Variants in GPR158 observed in about 807,000 individuals in gnomAD.
GPR158 encodes G protein-coupled receptor 158.
In GPR158, 30 loss-of-function variants were observed where a neutral mutation model predicts 78.2. The ratio of observed to expected loss-of-function variants is 0.38; its 90% CI spans 0.29 to 0.52. The LOEUF is 0.52. GPR158 is among the 20% of genes least tolerant of loss of function. GPR158 has a pLI of 0.83. For synonymous variants in GPR158, 581 were observed against 591.1 expected (o/e 0.98, Z 0.25); for missense variants, 1,463 against 1,523.5 (o/e 0.96, Z 0.66).
chr10:25,500,452 C>A (rs922598926), intron 5 of GPR158, among the ~76,000 whole-genome samples: 1 of 152,080 alleles, frequency 6.6e-6, no homozygotes, highest in African/African-American at 2.4e-5. Flanking sequence ...TTTGGCAGAA[C>A]AAAAAGGAAG....
At chr10:25,313,148 T>A (rs920979070) in intron 2 of GPR158, among the ~76,000 whole-genome samples, 2 of 150,956 alleles carry the variant, frequency 1.3e-5, no homozygotes, top group African/African-American at 4.9e-5. Context: ...TTACCTTTTT[T>A]CTAATATTAA....
intron 1 of GPR158, among the ~76,000 whole-genome samples, chr10:25,183,844 CT>C: frequency 6.6e-6 from 1 of 152,246 alleles, no homozygotes; most frequent in East Asian, 1.9e-4. Context: ...TGACACATGG[CT>C]TTTATCTGAG....
At chr10:25,285,814 G>A (rs1334275157) in intron 2 of GPR158, among the ~76,000 whole-genome samples, 15 of 152,162 alleles carry the variant, frequency 9.9e-5, no homozygotes, top group Non-Finnish European at 1.9e-4. Flanking sequence ...AACATTTACA[G>A]GTATGCTGGC....
chr10:25,270,779 C>CTATTGAAT, intron 2 of GPR158, among the ~76,000 whole-genome samples: 1 of 152,160 alleles, frequency 6.6e-6, no homozygotes, highest in Non-Finnish European at 1.5e-5. Flanking sequence ...ATCTATCCAG[C>CTATTGAAT]AACACCTCAG....
rs147902056 is a variant in GPR158, at chr10:25,419,051, G to A, written c.1335+6578G>A. On this transcript the variant is annotated intron_variant, in intron 4 of 10. Coordinates refer to ENST00000376351, the MANE Select transcript of GPR158 (RefSeq NM_020752.3). ...CTAATGACTATTTTGGTAAAATAAA[G>A]TTAGGTATGTCATATTTTTATTTTA... Among the ~76,000 whole-genome samples the A allele has an allele frequency of 5.4e-3, 824 of 152,000 alleles. 10 individuals carry two copies. Among genetic ancestry groups the A allele is most frequent in the African/African-American group, 0.019 (796 of 41,490 alleles).
chr10:25,192,041 G>A lies in GPR158; in HGVS notation c.902+15719G>A, dbSNP rs573777281. Among the ~76,000 whole-genome samples the A allele has an allele frequency of 2.0e-5, 3 of 152,222 alleles. No homozygotes were observed. In the South Asian group the frequency reaches 6.2e-4, roughly 32 times the overall value. ...ATTCAGTGCCTGATACGGTTTGGCT[G>A]TGTCTGCACCCAAAATCTCATCTTG... On this transcript the variant is annotated intron_variant, in intron 1 of 10. Transcript: ENST00000376351.
chr10:25,600,876 C>A lies in GPR158; in HGVS notation c.*1602C>A, dbSNP rs908274931. The A allele has an allele frequency of 6.6e-6, 1 of 152,114 alleles. No homozygotes were observed. The highest frequency in any genetic ancestry group is 1.5e-5 in the Non-Finnish European group (1 of 68,012). 9.4% of individuals were successfully genotyped at this position (152,114 alleles called of 1,614,324 possible). Reference sequence around the variant, plus strand: ...GGGAATCCTAAGCTGCCGACTAAGCCCTACCGACATGATCATGCAGTGAGA... The same window carrying A: ...GGGAATCCTAAGCTGCCGACTAAGCACTACCGACATGATCATGCAGTGAGA... On this transcript the variant is annotated 3_prime_UTR_variant, in exon 11 of 11. Coordinates refer to ENST00000376351, the MANE Select transcript of GPR158 (RefSeq NM_020752.3).
chr10:25,192,183 C>G (rs1398131250), intron 1 of GPR158, among the ~76,000 whole-genome samples: 2 of 152,124 alleles, frequency 1.3e-5, no homozygotes, highest in East Asian at 3.9e-4. Flanking sequence ...CTCACGAGAT[C>G]TGATGGTTTT....
chr10:25,215,525 T>A (rs543663178), intron 1 of GPR158, among the ~76,000 whole-genome samples: 1 of 152,160 alleles, frequency 6.6e-6, no homozygotes, highest in Non-Finnish European at 1.5e-5. Context: ...GTTATGTATA[T>A]TTTACCACAA....
chr10:25,449,891 G>A (rs142341106), intron 4 of GPR158, among the ~76,000 whole-genome samples: 7 of 151,904 alleles, frequency 4.6e-5, no homozygotes, highest in African/African-American at 1.4e-4. Flanking sequence ...GTTATAGAAC[G>A]TGAATTTCTT....
chr10:25,483,933 A>G (rs1042013895), intron 5 of GPR158, among the ~76,000 whole-genome samples: 1 of 152,228 alleles, frequency 6.6e-6, no homozygotes. Flanking sequence ...AATTTTAACT[A>G]AAGCAATTAT....
chr10:25,594,425 T>G (rs1837376574), intron 9 of GPR158, 28 bp downstream of exon 9: 10 of 1,001,786 alleles, frequency 1.0e-5, no homozygotes, highest in Non-Finnish European at 1.5e-5. Flanking sequence ...CTTTTTTTTT[T>G]GCAAAACTTA....
chr10:25,256,105 G>A (rs945750706), intron 2 of GPR158, among the ~76,000 whole-genome samples: 16 of 152,046 alleles, frequency 1.1e-4, no homozygotes, highest in African/African-American at 3.1e-4. Context: ...AGCTACCATA[G>A]CCTGTGACTG....
At chr10:25,305,456 T>G (rs1260477927) in intron 2 of GPR158, among the ~76,000 whole-genome samples, 1 of 152,092 alleles carries the variant, frequency 6.6e-6, no homozygotes, top group Non-Finnish European at 1.5e-5. Context: ...ATAATTACAA[T>G]AGTTATAAGA....
chr10:25,309,070 CAG>C (rs756763863), intron 2 of GPR158, among the ~76,000 whole-genome samples: 1 of 152,116 alleles, frequency 6.6e-6, no homozygotes, highest in Non-Finnish European at 1.5e-5. Flanking sequence ...GGTGTATACT[CAG>C]AAATGAAGTA....
intron 2 of GPR158, among the ~76,000 whole-genome samples, chr10:25,267,555 G>A (rs1854059524): frequency 6.6e-6 from 1 of 152,046 alleles, no homozygotes; most frequent in Non-Finnish European, 1.5e-5. Flanking sequence ...AAACATTTTT[G>A]AGCACAGGAT....
intron 2 of GPR158, among the ~76,000 whole-genome samples, chr10:25,252,762 T>G (rs1218440388): frequency 1.3e-5 from 2 of 152,190 alleles, no homozygotes; most frequent in African/African-American, 2.4e-5. Flanking sequence ...TACTGCTGTC[T>G]TTTTGTTTGT....
chr10:25,601,127 G>T lies in GPR158; in HGVS notation c.*1853G>T, dbSNP rs1837491419. The T allele has an allele frequency of 6.6e-6, 1 of 152,552 alleles. No homozygotes were observed. The highest frequency in any genetic ancestry group is 2.4e-5 in the African/African-American group (1 of 41,422). 9.4% of individuals were successfully genotyped at this position (152,552 alleles called of 1,614,324 possible). ...GTGGATATAGGGCTGTTCTTAGAGA[G>T]TATTTTCAGTGGAAGGTAAAAACAG... On this transcript the variant is annotated 3_prime_UTR_variant, in exon 11 of 11. Transcript: ENST00000376351.
At chr10:25,385,297 T>C (rs991732879) in intron 2 of GPR158, among the ~76,000 whole-genome samples, 1 of 152,194 alleles carries the variant, frequency 6.6e-6, no homozygotes, top group African/African-American at 2.4e-5. Context: ...TGATAGAGTT[T>C]CCTTCTCTTT....
Sources: allele counts gnomAD v4.1 joint callset (sites outside exome capture counted in the v4.1 genomes callset), GRCh38; gene constraint gnomAD v4.1.1; transcripts MANE v1.5; gene names NCBI Gene and HGNC (gene_info 2026-07-23, HGNC 2026-07-21).